Variants in ERBB4 observed in about 807,000 individuals in gnomAD.
The protein encoded by ERBB4 is erb-b2 receptor tyrosine kinase 4.
In ERBB4, 42 loss-of-function variants were observed where a neutral mutation model predicts 158.0. That is an observed-to-expected ratio of 0.27 (90% confidence interval 0.21 to 0.34). The LOEUF is 0.34. ERBB4 is among the 10% of genes least tolerant of loss of function. The probability of loss-of-function intolerance (pLI) is 1.00; values close to 1 mark genes in which losing one functional copy is unlikely to be tolerated. For missense variants in ERBB4, 1,333 were observed against 1,624.1 expected, an observed-to-expected ratio of 0.82 and a Z score of 3.08; for synonymous variants, 583 against 558.7, an observed-to-expected ratio of 1.04 and a Z score of -0.61.
intron 1 of ERBB4, among the ~76,000 whole-genome samples, chr2:212,335,798 T>C (rs2088411538): frequency 6.6e-6 from 1 of 151,964 alleles, no homozygotes; most frequent in African/African-American, 2.4e-5. Context: ...CGTATGGTGC[T>C]CCCTTTTGTT....
intron 3 of ERBB4, among the ~76,000 whole-genome samples, chr2:211,861,339 G>GT (rs1553648578): frequency 1.7e-3 from 150 of 89,790 alleles, no homozygotes; most frequent in Non-Finnish European, 2.5e-3. Flanking sequence ...TTTTTTTTTT[G>GT]TTTTTTTTTT....
At chr2:211,896,364 CATT>C (rs2079097732) in intron 3 of ERBB4, among the ~76,000 whole-genome samples, 1 of 152,244 alleles carries the variant, frequency 6.6e-6, no homozygotes, top group African/African-American at 2.4e-5. Flanking sequence ...TTGGAATCAT[CATT>C]GACTAACCTC....
chr2:211,505,354 G>A (rs186312329), intron 20 of ERBB4, among the ~76,000 whole-genome samples: 7 of 151,844 alleles, frequency 4.6e-5, no homozygotes, highest in Non-Finnish European at 1.0e-4. Flanking sequence ...CTCATATCCT[G>A]CTAAATTAAG....
At chr2:212,458,277 T>C (rs111612061) in intron 1 of ERBB4, among the ~76,000 whole-genome samples, 1,720 of 152,200 alleles carry the variant, frequency 0.011, 14 homozygotes, top group Middle Eastern at 0.034. Flanking sequence ...ATTCCATTTT[T>C]TTTTAGGGGG....
rs1410413923 is a variant in ERBB4, at chr2:212,445,973, A to T, written c.82+92476T>A. On this transcript the variant is annotated intron_variant, in intron 1 of 27. Transcript: ENST00000342788. ...TGTACTAAGAAAATATCTTCATTTT[A>T]TTTCCTTTTCCTTTATCATGTGACA... Among the ~76,000 whole-genome samples the T allele has an allele frequency of 2.0e-5, 3 of 152,198 alleles. No homozygotes were observed. In the South Asian group the frequency reaches 6.2e-4, roughly 31 times the overall value.
At chr2:211,996,859 GA>G (rs1454743809) in intron 2 of ERBB4, among the ~76,000 whole-genome samples, 1 of 152,152 alleles carries the variant, frequency 6.6e-6, no homozygotes, top group Non-Finnish European at 1.5e-5. Context: ...GTCACTACAT[GA>G]AACAAATATT....
chr2:212,095,576 T>C (rs971987652), intron 2 of ERBB4, among the ~76,000 whole-genome samples: 1 of 152,324 alleles, frequency 6.6e-6, no homozygotes, highest in South Asian at 2.1e-4. Flanking sequence ...CGATTGCTAA[T>C]GAAGTTTAAT....
intron 15 of ERBB4, chr2:211,658,069 G>C (rs1369236798): frequency 1.9e-5 from 20 of 1,035,232 alleles, no homozygotes; most frequent in Non-Finnish European, 2.8e-6. Context: ...AATAAATATT[G>C]ATTGTCTCGA....
At chr2:212,124,686 T>C in intron 2 of ERBB4, 66 bp downstream of exon 2, 2 of 1,536,832 alleles carry the variant, frequency 1.3e-6, no homozygotes, top group Middle Eastern at 1.7e-4. Context: ...AGCACACAGG[T>C]CTGCCTGTAT....
chr2:212,251,937 G>A (rs1398992596), intron 1 of ERBB4, among the ~76,000 whole-genome samples: 1 of 151,938 alleles, frequency 6.6e-6, no homozygotes, highest in African/African-American at 2.4e-5. Flanking sequence ...GTAAAAACAA[G>A]ACTAGACAGA....
At chr2:212,287,581 A>G (rs2086041532) in intron 1 of ERBB4, among the ~76,000 whole-genome samples, 1 of 152,116 alleles carries the variant, frequency 6.6e-6, no homozygotes, top group Admixed American at 6.5e-5. Context: ...CAATGAGATG[A>G]CCTTATTTCC....
intron 16 of ERBB4, among the ~76,000 whole-genome samples, chr2:211,645,063 T>C (rs2070736628): frequency 6.6e-6 from 1 of 151,870 alleles, no homozygotes; most frequent in Non-Finnish European, 1.5e-5. Flanking sequence ...CACTAACATC[T>C]CTTCTTGAGT....
intron 5 of ERBB4, among the ~76,000 whole-genome samples, chr2:211,728,668 T>C (rs2074345527): frequency 6.6e-6 from 1 of 151,738 alleles, no homozygotes; most frequent in East Asian, 1.9e-4. Flanking sequence ...CACAGGAGAG[T>C]TTATCAATTT....
At chr2:211,921,862 T>C (rs1167483476) in intron 3 of ERBB4, among the ~76,000 whole-genome samples, 1 of 152,116 alleles carries the variant, frequency 6.6e-6, no homozygotes, top group Non-Finnish European at 1.5e-5. Context: ...CTTTTCATAT[T>C]TTAATATCCA....
At chr2:211,928,461 G>T (rs912870074) in intron 3 of ERBB4, among the ~76,000 whole-genome samples, 1 of 152,136 alleles carries the variant, frequency 6.6e-6, no homozygotes, top group African/African-American at 2.4e-5. Context: ...GGCTACCCCT[G>T]GTAAGAGGGC....
At chr2:211,815,432 A>C (rs1245034671) in intron 3 of ERBB4, among the ~76,000 whole-genome samples, 2 of 152,218 alleles carry the variant, frequency 1.3e-5, no homozygotes, top group African/African-American at 2.4e-5. Flanking sequence ...ACCTTTTCCC[A>C]AAAGAGTAAG....
At chr2:211,833,715 A>G (rs1292392204) in intron 3 of ERBB4, among the ~76,000 whole-genome samples, 1 of 151,938 alleles carries the variant, frequency 6.6e-6, no homozygotes, top group Non-Finnish European at 1.5e-5. Flanking sequence ...GATTAGCATA[A>G]TTGTTCAAGC....
At chr2:211,592,533 T>C (rs922869338) in intron 19 of ERBB4, among the ~76,000 whole-genome samples, 1 of 152,138 alleles carries the variant, frequency 6.6e-6, no homozygotes, top group Non-Finnish European at 1.5e-5. Context: ...AGTGAATGAT[T>C]GATTGCTGCA....
chr2:211,618,136 A>T (rs2069463860), intron 19 of ERBB4, among the ~76,000 whole-genome samples: 1 of 152,022 alleles, frequency 6.6e-6, no homozygotes, highest in African/African-American at 2.4e-5. Context: ...AATTAAAAAA[A>T]TAAATGTCAA....
Sources: allele counts gnomAD v4.1 joint callset (sites outside exome capture counted in the v4.1 genomes callset), GRCh38; gene constraint gnomAD v4.1.1; transcripts MANE v1.5; gene names NCBI Gene and HGNC (gene_info 2026-07-23, HGNC 2026-07-21).